The following VKORC1L1 variants were observed in gnomAD, a reference collection of about 807,000 sequenced individuals.
VKORC1L1 encodes the protein vitamin K epoxide reductase complex subunit 1L1.
A neutral mutation model predicts 18.9 loss-of-function variants in VKORC1L1; 2 were observed. The observed-to-expected ratio is 0.11, with a 90% CI of 0.04 to 0.33. The LOEUF (loss-of-function observed/expected upper bound fraction) is 0.33, where lower values mean the gene tolerates loss of function less well. Ranked by LOEUF, VKORC1L1 falls within the 10% of genes least tolerant of loss-of-function variation. VKORC1L1 has a pLI of 1.00. For synonymous variants in VKORC1L1, 96 were observed against 100.0 expected, an observed-to-expected ratio of 0.96 and a Z score of 0.24; for missense variants, 123 against 224.1, an observed-to-expected ratio of 0.55 and a Z score of 2.88.
chr7:65,872,961 TCCGCCCCTCCCCACCCCTGCC>T (rs1360046123), upstream of VKORC1L1, among the ~76,000 whole-genome samples: 21 of 132,798 alleles, frequency 1.6e-4, no homozygotes, highest in African/African-American at 5.3e-4. Context: ...CCTCTCTGGC[TCCGCCCCTCCCCACCCCTGCC>T]CCGCCCATCC....
intron 1 of VKORC1L1, among the ~76,000 whole-genome samples, chr7:65,909,688 CTTTGTGTG>C (rs1261234248): frequency 8.6e-5 from 7 of 81,136 alleles, no homozygotes; most frequent in African/African-American, 4.1e-4. Context: ...TTGTTTTAGC[CTTTGTGTG>C]TGTGTGTGTG....
At chr7:65,878,969 A>G (rs981356227) in intron 1 of VKORC1L1, among the ~76,000 whole-genome samples, 1 of 152,234 alleles carries the variant, frequency 6.6e-6, no homozygotes, top group Non-Finnish European at 1.5e-5. Context: ...GATTTGAAAG[A>G]TAACAAAGCA....
chr7:65,941,995 G>A (rs780395241), intron 1 of VKORC1L1, among the ~76,000 whole-genome samples: 6 of 152,042 alleles, frequency 3.9e-5, no homozygotes, highest in Non-Finnish European at 5.9e-5. Flanking sequence ...ACTGATTCAC[G>A]CATGTGTTCA....
At chr7:65,879,404 A>G (rs1238179528) in intron 1 of VKORC1L1, among the ~76,000 whole-genome samples, 1 of 152,216 alleles carries the variant, frequency 6.6e-6, no homozygotes, top group African/African-American at 2.4e-5. Context: ...TCTGGACTGT[A>G]GTAGAGATAA....
At chr7:65,913,918 G>C (rs1583844885) in intron 1 of VKORC1L1, among the ~76,000 whole-genome samples, 1 of 151,826 alleles carries the variant, frequency 6.6e-6, no homozygotes, top group South Asian at 2.1e-4. Flanking sequence ...CCAGTACTAG[G>C]TATATGGGAG....
chr7:65,912,006 A>G (rs1019241423), intron 1 of VKORC1L1, among the ~76,000 whole-genome samples: 1 of 152,182 alleles, frequency 6.6e-6, no homozygotes, highest in South Asian at 2.1e-4. Context: ...ATATAATCCC[A>G]TAATATAATA....
intron 1 of VKORC1L1, among the ~76,000 whole-genome samples, chr7:65,900,195 C>T (rs558834570): frequency 1.4e-4 from 21 of 150,762 alleles, no homozygotes; most frequent in African/African-American, 4.4e-4. Flanking sequence ...CGAGACAATC[C>T]TGGCTAACAC....
chr7:65,900,184 TC>T (rs1338090415), intron 1 of VKORC1L1, among the ~76,000 whole-genome samples: 1 of 148,612 alleles, frequency 6.7e-6, no homozygotes, highest in Non-Finnish European at 1.5e-5. Context: ...GGTCAGGAGA[TC>T]GAGACAATCC....
At chr7:65,883,150 T>A (rs1382916758) in intron 1 of VKORC1L1, among the ~76,000 whole-genome samples, 5 of 147,290 alleles carry the variant, frequency 3.4e-5, no homozygotes, top group Non-Finnish European at 4.5e-5. Flanking sequence ...TTTTTTTTTT[T>A]TTTTTTTTGG....
upstream of VKORC1L1, among the ~76,000 whole-genome samples, chr7:65,870,540 C>G (rs985688322): frequency 6.6e-6 from 1 of 152,142 alleles, no homozygotes; most frequent in Admixed American, 6.5e-5. Flanking sequence ...GGCCAGATGT[C>G]CATCCGTAGT....
chr7:65,904,015 G>C (rs1789364283), intron 1 of VKORC1L1, among the ~76,000 whole-genome samples: 1 of 151,968 alleles, frequency 6.6e-6, no homozygotes, highest in Non-Finnish European at 1.5e-5. Flanking sequence ...TTCCCTTTTT[G>C]CACGATGGAA....
chr7:65,906,846 G>A (rs1789414146), intron 1 of VKORC1L1, among the ~76,000 whole-genome samples: 1 of 152,136 alleles, frequency 6.6e-6, no homozygotes, highest in African/African-American at 2.4e-5. Flanking sequence ...TCATTTTGGG[G>A]CCATAGGAGG....
At chr7:65,894,987 T>TA (rs551809996) in intron 1 of VKORC1L1, among the ~76,000 whole-genome samples, 184 of 152,370 alleles carry the variant, frequency 1.2e-3, no homozygotes, top group African/African-American at 4.3e-3. Flanking sequence ...GAATAAATGC[T>TA]AAAACATATT....
chr7:65,894,553 C>G (rs569586211), intron 1 of VKORC1L1, among the ~76,000 whole-genome samples: 21 of 150,454 alleles, frequency 1.4e-4, no homozygotes, highest in Non-Finnish European at 2.5e-4. Flanking sequence ...ACGGTGAAAC[C>G]CCATCTCTAC....
chr7:65,870,538 GT>G (rs1788713983), upstream of VKORC1L1, among the ~76,000 whole-genome samples: 1 of 152,146 alleles, frequency 6.6e-6, no homozygotes. Flanking sequence ...TGGGCCAGAT[GT>G]CCATCCGTAG....
At chr7:65,898,843 G>T (rs1241058474) in intron 1 of VKORC1L1, among the ~76,000 whole-genome samples, 1 of 151,986 alleles carries the variant, frequency 6.6e-6, no homozygotes, top group Non-Finnish European at 1.5e-5. Context: ...CCTACCCTTG[G>T]CAGTCACCAT....
intron 1 of VKORC1L1, among the ~76,000 whole-genome samples, chr7:65,922,999 T>C (rs556707004): frequency 2.0e-5 from 3 of 152,300 alleles, no homozygotes; most frequent in African/African-American, 7.2e-5. Flanking sequence ...TTTGCTTTTG[T>C]CCTATTCTTC....
At chr7:65,925,576 G>A (rs1285132666) in intron 1 of VKORC1L1, among the ~76,000 whole-genome samples, 1 of 152,124 alleles carries the variant, frequency 6.6e-6, no homozygotes, top group Admixed American at 6.5e-5. Context: ...CTTCTTGAGG[G>A]TAGGGGCTGT....
intron 1 of VKORC1L1, among the ~76,000 whole-genome samples, chr7:65,941,416 A>G (rs999658548): frequency 3.3e-5 from 5 of 152,004 alleles, no homozygotes; most frequent in African/African-American, 9.7e-5. Context: ...TGCCCTGCCA[A>G]AGTTCTATTT....
Sources: allele counts gnomAD v4.1 joint callset (sites outside exome capture counted in the v4.1 genomes callset), GRCh38; gene constraint gnomAD v4.1.1; transcripts MANE v1.5; gene names NCBI Gene and HGNC (gene_info 2026-07-23, HGNC 2026-07-21).